The following RELL1 variants were observed in gnomAD, a reference collection of about 807,000 sequenced individuals.
The protein encoded by RELL1 is RELT like 1.
RELL1 carries 10 observed loss-of-function variants against 23.0 expected under a neutral mutation model. The observed-to-expected ratio is 0.43, with a 90% confidence interval of 0.27 to 0.74. RELL1 has a LOEUF of 0.74. Ranked by LOEUF, RELL1 falls within the 30% of genes least tolerant of loss-of-function variation. RELL1 has a pLI of 0.19. For synonymous variants in RELL1, 146 were observed against 146.8 expected (o/e 0.99, Z 0.04); for missense variants, 315 against 364.4 (o/e 0.86, Z 1.10).
intron 3 of RELL1, among the ~76,000 whole-genome samples, chr4:37,640,614 CT>C (rs1325730419): frequency 1.3e-5 from 2 of 152,182 alleles, no homozygotes; most frequent in Admixed American, 6.5e-5. Context: ...CCCCCATACA[CT>C]TTAAGTCATC....
At chr4:37,626,313 C>T (rs950187033) in intron 6 of RELL1, among the ~76,000 whole-genome samples, 1 of 151,932 alleles carries the variant, frequency 6.6e-6, no homozygotes, top group Non-Finnish European at 1.5e-5. Flanking sequence ...CCCTGTCTCT[C>T]CTAAAAATAC....
At chr4:37,639,209 C>A (rs1040582390) in intron 3 of RELL1, among the ~76,000 whole-genome samples, 17 of 151,736 alleles carry the variant, frequency 1.1e-4, no homozygotes, top group Admixed American at 2.6e-4. Flanking sequence ...ACGGTGAAAC[C>A]CCATCTGTAC....
chr4:37,677,133 A>G (rs1183946749), intron 1 of RELL1, among the ~76,000 whole-genome samples: 4 of 152,240 alleles, frequency 2.6e-5, no homozygotes, highest in Admixed American at 2.0e-4. Flanking sequence ...TCAGTTAGCC[A>G]AAGTTCTTCC....
Position 37,612,636 on chromosome 4 carries a change from CAAAAAAAAAAA to C in RELL1, c.*699_*709del, listed in dbSNP as rs978165271. ...TAGGGGACACAGCGAGACTCTGCCT[CAAAAAAAAAAA>C]AAAAAAAACCTTCTCAAAATGTGTA... On this transcript the variant is annotated 3_prime_UTR_variant, in exon 7 of 7. Transcript: ENST00000454158. 1.7e-5 allele frequency among the ~76,000 whole-genome samples: 1 copy of C among 60,142 alleles called. No homozygotes were observed. The highest frequency in any genetic ancestry group is 3.6e-5 in the Non-Finnish European group (1 of 27,554). The allele number at this position is 60,142 out of a possible 152,430, so 39.5% of individuals were successfully genotyped here. A position where few individuals can be genotyped will look rare whatever the true frequency, so the allele number is the denominator to read the frequency against.
intron 6 of RELL1, among the ~76,000 whole-genome samples, chr4:37,593,893 C>G (rs1463737752): frequency 6.6e-6 from 1 of 152,086 alleles, no homozygotes; most frequent in Non-Finnish European, 1.5e-5. Context: ...TAACTCCAAA[C>G]CGGACGAAAA....
At chr4:37,595,390 T>G (rs148184057) in intron 6 of RELL1, among the ~76,000 whole-genome samples, 1 of 152,316 alleles carries the variant, frequency 6.6e-6, no homozygotes, top group Non-Finnish European at 1.5e-5. Context: ...TTTTTTCAAC[T>G]GAAATATCTG....
exon 7 of RELL1, chr4:37,590,877 G>A: frequency 6.2e-7 from 1 of 1,614,236 alleles, no homozygotes; most frequent in Non-Finnish European, 8.5e-7. Flanking sequence ...ACAGGCAGGA[G>A]GATACCCATG....
At chr4:37,679,128 CATCCTCCAGAAA>C (rs753090188) in intron 1 of RELL1, among the ~76,000 whole-genome samples, 21 of 152,170 alleles carry the variant, frequency 1.4e-4, no homozygotes, top group Non-Finnish European at 2.4e-4. Context: ...TCTACCCATC[CATCCTCCAGAAA>C]ATCCCTTGGG....
intron 5 of RELL1, among the ~76,000 whole-genome samples, 163 bp downstream of exon 5, chr4:37,634,724 G>T (rs1379566927): frequency 6.6e-6 from 1 of 152,202 alleles, no homozygotes; most frequent in African/African-American, 2.4e-5. Context: ...TTCTTCTGTT[G>T]TTGGAAAAAT....
At chr4:37,673,447 A>G (rs922070876) in intron 1 of RELL1, among the ~76,000 whole-genome samples, 1 of 152,102 alleles carries the variant, frequency 6.6e-6, no homozygotes, top group South Asian at 2.1e-4. Context: ...CTGCCTCAGC[A>G]TCCCAAAGTG....
chr4:37,667,390 A>C (rs773801339), intron 1 of RELL1, among the ~76,000 whole-genome samples: 8 of 151,052 alleles, frequency 5.3e-5, no homozygotes, highest in Non-Finnish European at 8.8e-5. Flanking sequence ...AGAGAGGTTA[A>C]GTAACCTATG....
chr4:37,649,920 A>T (rs1720847205), intron 1 of RELL1, among the ~76,000 whole-genome samples: 1 of 152,192 alleles, frequency 6.6e-6, no homozygotes, highest in African/African-American at 2.4e-5. Context: ...GTTCTTAGTG[A>T]TTAAGAGCAT....
At chr4:37,608,289 C>T (rs1241829447), downstream of RELL1, among the ~76,000 whole-genome samples, 2 of 152,092 alleles carry the variant, frequency 1.3e-5, no homozygotes, top group Non-Finnish European at 1.5e-5. Context: ...ATGATTAAGG[C>T]GTGTCAAAAG....
At chr4:37,665,471 T>A (rs1721500964) in intron 1 of RELL1, 1 of 359,842 alleles carries the variant, frequency 2.8e-6, no homozygotes, top group Non-Finnish European at 5.5e-6. Flanking sequence ...AGGACTCCAA[T>A]TCATCCCCAA....
chr4:37,614,059 TG>T (rs1166838269), intron 6 of RELL1, among the ~76,000 whole-genome samples: 2 of 152,222 alleles, frequency 1.3e-5, no homozygotes, highest in Non-Finnish European at 2.9e-5. Flanking sequence ...TTCTCCCACC[TG>T]CCAAAATCAT....
intron 6 of RELL1, among the ~76,000 whole-genome samples, chr4:37,614,154 GT>G (rs1390524414): frequency 1.3e-5 from 2 of 152,116 alleles, no homozygotes; most frequent in East Asian, 3.8e-4. Context: ...TGCTAGAAGT[GT>G]TTTGAAGAAC....
chr4:37,632,329 G>A (rs1346688325), intron 5 of RELL1, among the ~76,000 whole-genome samples: 1 of 145,532 alleles, frequency 6.9e-6, no homozygotes, highest in East Asian at 2.2e-4. Flanking sequence ...GTGCCACCAT[G>A]CCTGGCTAAT....
At chr4:37,604,151 C>T (rs755150648) in intron 6 of RELL1, among the ~76,000 whole-genome samples, 7 of 152,022 alleles carry the variant, frequency 4.6e-5, no homozygotes, top group Non-Finnish European at 7.4e-5. Context: ...GTGAGGCTAG[C>T]GTCCGTCACC....
At chr4:37,679,379 CATTTG>C (rs1347463714) in intron 1 of RELL1, among the ~76,000 whole-genome samples, 1 of 152,164 alleles carries the variant, frequency 6.6e-6, no homozygotes, top group African/African-American at 2.4e-5. Flanking sequence ...AAGTGTCACT[CATTTG>C]AGGACTTATT....
Sources: gnomAD v4.1 joint callset for allele counts (sites outside exome capture counted in the v4.1 genomes callset) on GRCh38, gnomAD v4.1.1 for gene constraint, MANE v1.5 for transcripts, NCBI Gene and HGNC (gene_info 2026-07-23, HGNC 2026-07-21) for gene names.